The following UGT2B7 variants were observed in gnomAD, a reference collection of about 807,000 sequenced individuals.
UGT2B7 encodes the protein UDP glucuronosyltransferase family 2 member B7, also known as UDP-glucuronosyltransferase 2B7.
A neutral mutation model predicts 51.9 loss-of-function variants in UGT2B7; 51 were observed. The observed-to-expected ratio is 0.98, with a 90% CI of 0.78 to 1.24. The LOEUF (loss-of-function observed/expected upper bound fraction) is 1.24. Among genes scored for constraint, UGT2B7 ranks in the 50% most tolerant of loss-of-function variants. The pLI is 0.00. For missense variants in UGT2B7, 727 were observed against 628.4 expected (o/e 1.16, Z -1.68); for synonymous variants, 225 against 211.6 (o/e 1.06, Z -0.55).
intron 2 of UGT2B7, among the ~76,000 whole-genome samples, chr4:69,090,612 A>C (rs945613911): frequency 1.3e-5 from 2 of 152,192 alleles, no homozygotes; most frequent in African/African-American, 4.8e-5. Context: ...GAAAAGACTC[A>C]TCCCCATGAT....
At chr4:69,063,769 A>C (rs1336563009) in intron 1 of UGT2B7, among the ~76,000 whole-genome samples, 1 of 152,080 alleles carries the variant, frequency 6.6e-6, no homozygotes, top group African/African-American at 2.4e-5. Flanking sequence ...GTTTTAAAAC[A>C]GTAGGGGTAG....
intron 1 of UGT2B7, among the ~76,000 whole-genome samples, chr4:69,097,603 T>C (rs1719285158): frequency 6.6e-6 from 1 of 152,114 alleles, no homozygotes; most frequent in African/African-American, 2.4e-5. Context: ...AATGAGTAGT[T>C]ACACATTTTT....
At chr4:69,112,119 C>G (rs1719789968) in intron 5 of UGT2B7, among the ~76,000 whole-genome samples, 1 of 152,206 alleles carries the variant, frequency 6.6e-6, no homozygotes, top group Non-Finnish European at 1.5e-5. Context: ...GACCCCTGAC[C>G]TAACCAGTTA....
At chr4:69,066,413 G>A (rs568596481) in intron 1 of UGT2B7, 1 of 152,100 alleles carries the variant, frequency 6.6e-6, no homozygotes, top group South Asian at 2.1e-4. Flanking sequence ...GAAATTTGAT[G>A]ACAGGAAATC....
At chr4:69,064,082 AAG>A (rs879372471) in intron 1 of UGT2B7, among the ~76,000 whole-genome samples, 5 of 102,058 alleles carry the variant, frequency 4.9e-5, no homozygotes, top group East Asian at 6.1e-4. Context: ...GAAAGAAAGA[AAG>A]AAAGAAAGAA....
intron 1 of UGT2B7, among the ~76,000 whole-genome samples, chr4:69,086,035 TCTA>T (rs1250649454): frequency 1.3e-5 from 2 of 151,758 alleles, no homozygotes; most frequent in Admixed American, 1.3e-4. Context: ...ATATCCCTTT[TCTA>T]CTATTTTTTA....
At chr4:69,057,188 CAGTGTTG>C (rs1438732993) in intron 1 of UGT2B7, among the ~76,000 whole-genome samples, 1 of 152,176 alleles carries the variant, frequency 6.6e-6, no homozygotes, top group Admixed American at 6.5e-5. Context: ...GTGAAATCTT[CAGTGTTG>C]TGAGCCCTTA....
intron 1 of UGT2B7, among the ~76,000 whole-genome samples, chr4:69,074,889 T>C (rs1008682936): frequency 2.0e-5 from 3 of 152,168 alleles, no homozygotes; most frequent in African/African-American, 7.2e-5. Context: ...GACATCATTT[T>C]TTAATGCATG....
chr4:69,098,420 T>C, intron 1 of UGT2B7, 120 bp from the exon 2 acceptor site: 2 of 1,151,082 alleles, frequency 1.7e-6, no homozygotes, highest in South Asian at 1.7e-5. Flanking sequence ...TATGTGTATA[T>C]ATTTTTCAAA....
At chr4:69,080,699 C>T (rs1005975678) in intron 1 of UGT2B7, among the ~76,000 whole-genome samples, 1 of 152,094 alleles carries the variant, frequency 6.6e-6, no homozygotes, top group Non-Finnish European at 1.5e-5. Context: ...TCAGCTGAAG[C>T]ATAGCTTCAT....
At chr4:69,072,361 G>T (rs1718619744) in intron 1 of UGT2B7, among the ~76,000 whole-genome samples, 1 of 152,056 alleles carries the variant, frequency 6.6e-6, no homozygotes, top group Non-Finnish European at 1.5e-5. Flanking sequence ...TGAATATGCT[G>T]CTTAAAGACT....
intron 1 of UGT2B7, among the ~76,000 whole-genome samples, chr4:69,087,463 G>A (rs986199848): frequency 1.3e-5 from 2 of 151,562 alleles, no homozygotes; most frequent in Non-Finnish European, 3.0e-5. Context: ...GATATAAATG[G>A]CTTATATACC....
Position 69,096,796 on chromosome 4 carries a change from A to G in UGT2B7, c.276A>G (p.Gln92=). The change falls in exon 1 of 6, where the codon CAA becomes CAG. Residue 92 remains glutamine, a synonymous_variant. Coordinates refer to ENST00000305231, the MANE Select transcript of UGT2B7 (RefSeq NM_001074.4). The part of the protein sequence containing the change: ...TKTELENFIM[Q]QIKRWSDLPK... ...CTGAGTTGGAGAATTTCATCATGCA[A>G]CAGATTAAGAGATGGTCAGACCTTC... 1.9e-6 allele frequency: 3 copies of G among 1,614,004 alleles called. No homozygotes were observed. The highest frequency in any genetic ancestry group is 2.2e-5 in the East Asian group (1 of 44,870).
chr4:69,056,111 A>C (rs766234960), intron 1 of UGT2B7, among the ~76,000 whole-genome samples: 1 of 152,176 alleles, frequency 6.6e-6, no homozygotes, highest in Admixed American at 6.5e-5. Context: ...CTTTCTTCTT[A>C]CTGCCCATAA....
intron 1 of UGT2B7, among the ~76,000 whole-genome samples, chr4:69,056,739 T>C (rs4235113): frequency 0.46 from 70,273 of 152,052 alleles, 17,792 homozygotes; most frequent in African/African-American, 0.67. Flanking sequence ...TTCACCAAAG[T>C]GCTTCAGCAC....
rs760908737 is a variant in UGT2B7 at position 69,097,089 on chromosome 4, C to T, written c.569C>T (p.Pro190Leu). ...AAGCATAGTGGAGGATTTATTTTCC[C>T]TCCTTCCTACGTACCTGTTGTTATG... Reference protein sequence around the residue: ...FEKHSGGFIFPPSYVPVVMSE... With the variant: ...FEKHSGGFIFLPSYVPVVMSE... Residue 190 changes from proline to leucine, a missense_variant, in exon 1 of 6, where the codon CCT becomes CTT. Pro to Leu is a moderately conservative substitution (Grantham distance 98). Transcript: ENST00000305231. The T allele has an allele frequency of 1.9e-6, 3 of 1,613,720 alleles. No homozygotes were observed. The Admixed American group carries it at 5.0e-5, about 27-fold the overall frequency.
intron 1 of UGT2B7, among the ~76,000 whole-genome samples, chr4:69,079,052 A>G (rs1190089173): frequency 6.6e-6 from 1 of 152,162 alleles, no homozygotes; most frequent in African/African-American, 2.4e-5. Flanking sequence ...TCTGCTGTTC[A>G]GGTGTTTCCT....
intron 1 of UGT2B7, among the ~76,000 whole-genome samples, chr4:69,057,924 T>C (rs565770081): frequency 5.8e-4 from 88 of 152,282 alleles, no homozygotes; most frequent in African/African-American, 2.1e-3. Flanking sequence ...ATTGGCCCTG[T>C]GTTTAAGGTG....
Position 69,110,688 on chromosome 4 carries a change from C to T in UGT2B7, c.1311-1769C>T, listed in dbSNP as rs145106329. On this transcript the variant is annotated intron_variant, in intron 5 of 5. Coordinates refer to ENST00000305231, the MANE Select transcript of UGT2B7 (RefSeq NM_001074.4). ...AACAAGCAAACTAATGTATGCTATT[C>T]GAAGTCAGGCTAATCCTTAGTTGGT... 4.2e-3 allele frequency among the ~76,000 whole-genome samples: 646 copies of T among 152,046 alleles called. 2 individuals are homozygous for T. The highest frequency in any genetic ancestry group is 0.015 in the African/African-American group (618 of 41,464).
Sources: gnomAD v4.1 joint callset for allele counts (sites outside exome capture counted in the v4.1 genomes callset) on GRCh38, gnomAD v4.1.1 for gene constraint, MANE v1.5 for transcripts, NCBI Gene and HGNC (gene_info 2026-07-23, HGNC 2026-07-21) for gene names.